Variants in FBXL7 observed in about 807,000 individuals in gnomAD.
FBXL7 encodes the protein F-box/LRR-repeat protein 7.
In FBXL7, 12 loss-of-function variants were observed where a neutral mutation model predicts 38.3. The ratio of observed to expected loss-of-function variants is 0.31; its 90% CI spans 0.20 to 0.51. The LOEUF is 0.51. Among genes scored for constraint, FBXL7 ranks in the 20% least tolerant of loss-of-function variants. The probability of loss-of-function intolerance (pLI) is 0.98; values close to 1 mark genes in which losing one functional copy is unlikely to be tolerated. For missense variants in FBXL7, 567 were observed against 676.4 expected, an observed-to-expected ratio of 0.84 and a Z score of 1.79; for synonymous variants, 297 against 300.9, an observed-to-expected ratio of 0.99 and a Z score of 0.13.
intron 1 of FBXL7, among the ~76,000 whole-genome samples, chr5:15,510,168 C>T (rs950412802): frequency 6.6e-6 from 1 of 152,220 alleles, no homozygotes; most frequent in Non-Finnish European, 1.5e-5. Context: ...ATAATTGTAA[C>T]TGTAGAAGCC....
chr5:15,528,367 C>T (rs1003490089), intron 1 of FBXL7, among the ~76,000 whole-genome samples: 3 of 152,180 alleles, frequency 2.0e-5, no homozygotes, highest in African/African-American at 7.2e-5. Flanking sequence ...CCTTTCCTCA[C>T]ATCTTGGTTC....
chr5:15,666,423 G>A (rs1742279101), intron 2 of FBXL7, among the ~76,000 whole-genome samples: 1 of 152,114 alleles, frequency 6.6e-6, no homozygotes, highest in Non-Finnish European at 1.5e-5. Flanking sequence ...CAACAACTTT[G>A]TGCAAGAAGA....
chr5:15,579,481 C>T (rs960249691), intron 1 of FBXL7, among the ~76,000 whole-genome samples: 6 of 152,148 alleles, frequency 3.9e-5, no homozygotes, highest in African/African-American at 1.2e-4. Context: ...ATGAAAGTTA[C>T]GAAACACAGA....
At chr5:15,557,538 C>T (rs1446198353) in intron 1 of FBXL7, among the ~76,000 whole-genome samples, 2 of 152,152 alleles carry the variant, frequency 1.3e-5, no homozygotes, top group African/African-American at 4.8e-5. Context: ...ACAATGACCC[C>T]ATTACACTGT....
intron 2 of FBXL7, among the ~76,000 whole-genome samples, chr5:15,677,665 G>T (rs1403052364): frequency 6.6e-6 from 1 of 151,960 alleles, no homozygotes; most frequent in East Asian, 1.9e-4. Flanking sequence ...AGTTTGGGGA[G>T]AATTTTATTA....
intron 2 of FBXL7, among the ~76,000 whole-genome samples, chr5:15,784,019 T>G (rs1246818683): frequency 6.6e-6 from 1 of 152,162 alleles, no homozygotes; most frequent in Admixed American, 6.5e-5. Context: ...GTGGCCCCAA[T>G]GAGTGAGCTT....
intron 2 of FBXL7, among the ~76,000 whole-genome samples, chr5:15,641,947 G>GTT (rs1433007897): frequency 4.3e-5 from 3 of 69,678 alleles, no homozygotes; most frequent in African/African-American, 1.6e-4. Flanking sequence ...AACCTTGTGT[G>GTT]TGTGTGTGTG....
intron 2 of FBXL7, among the ~76,000 whole-genome samples, chr5:15,819,151 G>A (rs771903500): frequency 3.9e-5 from 6 of 152,128 alleles, no homozygotes; most frequent in Non-Finnish European, 7.4e-5. Flanking sequence ...TATCTCTGTC[G>A]CAGCTACTCC....
At chr5:15,811,847 G>A (rs1171187268) in intron 2 of FBXL7, among the ~76,000 whole-genome samples, 1 of 152,150 alleles carries the variant, frequency 6.6e-6, no homozygotes, top group Admixed American at 6.5e-5. Context: ...ATAGATGCTG[G>A]TGAGGCTGTG....
intron 2 of FBXL7, among the ~76,000 whole-genome samples, chr5:15,676,389 G>A (rs2126604394): frequency 6.6e-6 from 1 of 152,192 alleles, no homozygotes; most frequent in East Asian, 1.9e-4. Flanking sequence ...TTAAAATGCA[G>A]CAGGGTATTG....
rs1398060354 is a variant in FBXL7 at position 15,720,041 on chromosome 5, A to G, written c.127+103969A>G. ...GTTCTGTGCCAGCCATTGGGCTGTG[A>G]GCCGAAGTCATTCAAAGGAATGGCC... On this transcript the variant is annotated intron_variant, in intron 2 of 3. Transcript: ENST00000504595. Among the ~76,000 whole-genome samples the G allele has an allele frequency of 1.3e-5, 2 of 149,204 alleles. 1 individual carries two copies. The highest frequency in any genetic ancestry group is 4.9e-5 in the African/African-American group (2 of 40,892).
chr5:15,669,824 A>G (rs1318648566), intron 2 of FBXL7, among the ~76,000 whole-genome samples: 3 of 152,202 alleles, frequency 2.0e-5, no homozygotes, highest in African/African-American at 7.2e-5. Context: ...GCAGTAAATT[A>G]TAGTATTGTT....
In FBXL7 at chr5:15,500,527, G is replaced by T. The variant is rs1040303459; in HGVS notation, c.-150G>T. 9.6e-6 allele frequency: 10 copies of T among 1,038,996 alleles called. No individual in the cohort carries two copies. Among genetic ancestry groups the T allele is most frequent in the Admixed American group, 3.5e-5 (2 of 57,914 alleles). The allele number at this position is 1,038,996 out of a possible 1,614,324, so 64.4% of individuals were successfully genotyped here. On this transcript the variant is annotated 5_prime_UTR_variant, in exon 1 of 4. Transcript: ENST00000504595. The stretch of plus-strand genomic sequence containing the variant: ...AGCACCCCCTCCCACTGGAGTGCGG[G>T]GACCTCTCCAGGCCGGAGGTCGGCC...
chr5:15,697,484 G>A (rs1165451982), intron 2 of FBXL7, among the ~76,000 whole-genome samples: 1 of 152,052 alleles, frequency 6.6e-6, no homozygotes, highest in Non-Finnish European at 1.5e-5. Flanking sequence ...GCCAAAGCAT[G>A]ATAAGATTGA....
intron 2 of FBXL7, among the ~76,000 whole-genome samples, chr5:15,656,281 T>C (rs1231151252): frequency 6.6e-6 from 1 of 152,210 alleles, no homozygotes; most frequent in African/African-American, 2.4e-5. Context: ...TTTATGAACA[T>C]GTCAGTTGCA....
intron 1 of FBXL7, among the ~76,000 whole-genome samples, chr5:15,573,453 G>A (rs1169296300): frequency 6.6e-6 from 1 of 152,152 alleles, no homozygotes; most frequent in East Asian, 1.9e-4. Context: ...GAATCAAAAG[G>A]AAATGATAGG....
chr5:15,617,449 T>G (rs1330162863), intron 2 of FBXL7, among the ~76,000 whole-genome samples: 1 of 150,900 alleles, frequency 6.6e-6, no homozygotes, highest in Non-Finnish European at 1.5e-5. Flanking sequence ...ATTTATTTAT[T>G]TATTTATTTA....
At chr5:15,930,254 A>G (rs1742003719) in intron 3 of FBXL7, among the ~76,000 whole-genome samples, 1 of 152,224 alleles carries the variant, frequency 6.6e-6, no homozygotes, top group African/African-American at 2.4e-5. Flanking sequence ...GGTGGAAACA[A>G]GTTTCAAAAC....
chr5:15,530,723 A>G (rs1213802888), intron 1 of FBXL7, among the ~76,000 whole-genome samples: 1 of 152,254 alleles, frequency 6.6e-6, no homozygotes. Flanking sequence ...GACCTCTTCC[A>G]GTGGACTTGC....
Sources: gnomAD v4.1 joint callset for allele counts (sites outside exome capture counted in the v4.1 genomes callset) on GRCh38, gnomAD v4.1.1 for gene constraint, MANE v1.5 for transcripts, NCBI Gene and HGNC (gene_info 2026-07-23, HGNC 2026-07-21) for gene names.